CADM2: variants seen among roughly 807,000 people sequenced by gnomAD.
CADM2 encodes cell adhesion molecule 2, also known as immunoglobulin superfamily member 4D.
In CADM2, 12 loss-of-function variants were observed where a neutral mutation model predicts 49.8. The ratio of observed to expected loss-of-function variants is 0.24; its 90% CI spans 0.15 to 0.39. The LOEUF is 0.39. Ranked by LOEUF, CADM2 falls within the 10% of genes least tolerant of loss-of-function variation. The pLI, the probability that CADM2 is intolerant of heterozygous loss-of-function variation, is 1.00. For synonymous variants in CADM2, 214 were observed against 175.4 expected, an observed-to-expected ratio of 1.22 and a Z score of -1.74; for missense variants, 378 against 492.3, an observed-to-expected ratio of 0.77 and a Z score of 2.20.
intron 8 of CADM2, chr3:86,013,989 A>G (rs1731876045): frequency 6.8e-7 from 1 of 1,461,130 alleles, no homozygotes; most frequent in African/African-American, 1.4e-5. Flanking sequence ...ATTAGGAACA[A>G]TTGAAGAAGT....
chr3:85,440,764 C>CT (rs1228805473), intron 1 of CADM2, among the ~76,000 whole-genome samples: 4 of 152,052 alleles, frequency 2.6e-5, no homozygotes, highest in African/African-American at 9.7e-5. Context: ...AGGCGGATCA[C>CT]TTGAGGTCAG....
intron 8 of CADM2, among the ~76,000 whole-genome samples, chr3:86,005,736 G>A (rs1730708520): frequency 6.6e-6 from 1 of 152,108 alleles, no homozygotes; most frequent in South Asian, 2.1e-4. Context: ...AAACTGTACA[G>A]TTACTATTGA....
intron 1 of CADM2, among the ~76,000 whole-genome samples, chr3:85,437,828 C>A (rs1035910323): frequency 6.6e-6 from 1 of 151,906 alleles, no homozygotes; most frequent in African/African-American, 2.4e-5. Context: ...TCATAGAAAT[C>A]TTTCCTTCTT....
At chr3:85,103,939 G>A (rs535002397) in intron 1 of CADM2, among the ~76,000 whole-genome samples, 19 of 152,182 alleles carry the variant, frequency 1.2e-4, no homozygotes, top group Middle Eastern at 3.4e-3. Context: ...TTGAGCAGGA[G>A]GTAATTGTTT....
chr3:86,061,051 T>G (rs551071765), intron 8 of CADM2, among the ~76,000 whole-genome samples: 1 of 151,086 alleles, frequency 6.6e-6, no homozygotes, highest in Admixed American at 6.6e-5. Context: ...TTAAACATTT[T>G]CAATGATTAA....
At chr3:85,001,181 C>G (rs1576007068) in intron 1 of CADM2, among the ~76,000 whole-genome samples, 1 of 151,938 alleles carries the variant, frequency 6.6e-6, no homozygotes. Context: ...TTGACATCCT[C>G]TCTGTCCCTT....
intron 3 of CADM2, among the ~76,000 whole-genome samples, chr3:85,846,432 A>C (rs1227184732): frequency 6.6e-6 from 1 of 152,166 alleles, no homozygotes; most frequent in African/African-American, 2.4e-5. Flanking sequence ...TTATATGCCA[A>C]TTCCTAACTC....
chr3:86,003,288 A>G (rs928680517), intron 8 of CADM2, among the ~76,000 whole-genome samples: 5 of 152,154 alleles, frequency 3.3e-5, no homozygotes, highest in Non-Finnish European at 7.4e-5. Context: ...CATTTTCCCC[A>G]TGGGACTTGG....
intron 5 of CADM2, among the ~76,000 whole-genome samples, chr3:85,888,035 C>T (rs1271695862): frequency 6.6e-6 from 1 of 152,214 alleles, no homozygotes; most frequent in Non-Finnish European, 1.5e-5. Flanking sequence ...CTAAAATGCA[C>T]TTCTTAGATA....
chr3:85,355,489 A>AT (rs1189936748), intron 1 of CADM2, among the ~76,000 whole-genome samples: 1 of 152,020 alleles, frequency 6.6e-6, no homozygotes, highest in Non-Finnish European at 1.5e-5. Flanking sequence ...TGGACTAGAT[A>AT]TTTTTTAATA....
rs1272498509 is a variant in CADM2, at chr3:86,073,604, TTGTC to T, written c.*6824_*6827del. Reference sequence around the variant, plus strand: ...TCAGTAAAGTCTTGTCAGAAAAAAATTGTCTGATAAATATGGAAAAATAAAATTT... The same window carrying T: ...TCAGTAAAGTCTTGTCAGAAAAAAATTGATAAATATGGAAAAATAAAATTT... On this transcript the variant is annotated 3_prime_UTR_variant, in exon 10 of 10. Transcript: ENST00000383699. 2.6e-5 allele frequency: 4 copies of T among 152,002 alleles called. No homozygotes were observed. Among genetic ancestry groups the T allele is most frequent in the Non-Finnish European group, 4.4e-5 (3 of 67,898 alleles). 9.4% of individuals were successfully genotyped at this position (152,002 alleles called of 1,614,324 possible).
intron 1 of CADM2, among the ~76,000 whole-genome samples, chr3:85,701,538 C>A (rs2066753993): frequency 6.6e-6 from 1 of 152,006 alleles, no homozygotes; most frequent in Non-Finnish European, 1.5e-5. Context: ...GTCTAGTCCA[C>A]AATGGAAGGC....
intron 1 of CADM2, among the ~76,000 whole-genome samples, chr3:85,052,294 G>A (rs1489758351): frequency 6.6e-6 from 1 of 152,028 alleles, no homozygotes; most frequent in Admixed American, 6.6e-5. Context: ...CATGGATTAG[G>A]CTACAGCAAC....
chr3:85,960,277 A>G (rs1036380101), intron 7 of CADM2, among the ~76,000 whole-genome samples: 1 of 151,986 alleles, frequency 6.6e-6, no homozygotes, highest in Non-Finnish European at 1.5e-5. Flanking sequence ...TGCCATACCC[A>G]TAGACATCAC....
chr3:85,256,966 T>G (rs535153375), intron 1 of CADM2, among the ~76,000 whole-genome samples: 3 of 152,232 alleles, frequency 2.0e-5, no homozygotes, highest in African/African-American at 7.2e-5. Flanking sequence ...TTTATAGAGG[T>G]TTCATCATAT....
chr3:85,233,815 AT>A (rs2042353650), intron 1 of CADM2, among the ~76,000 whole-genome samples: 1 of 152,132 alleles, frequency 6.6e-6, no homozygotes, highest in African/African-American at 2.4e-5. Flanking sequence ...TGTTAGCCAA[AT>A]TAGAGTATAT....
At chr3:85,679,122 T>G (rs915882891) in intron 1 of CADM2, among the ~76,000 whole-genome samples, 4 of 151,928 alleles carry the variant, frequency 2.6e-5, no homozygotes, top group African/African-American at 9.7e-5. Context: ...ATATATAGTA[T>G]TAAATATGAT....
intron 1 of CADM2, among the ~76,000 whole-genome samples, chr3:85,139,600 A>T (rs2039516337): frequency 6.6e-6 from 1 of 152,028 alleles, no homozygotes. Context: ...TACTTATTCT[A>T]TGTAGATTTT....
chr3:86,001,691 A>G (rs1730212934), intron 8 of CADM2, among the ~76,000 whole-genome samples: 1 of 152,156 alleles, frequency 6.6e-6, no homozygotes, highest in East Asian at 1.9e-4. Flanking sequence ...ATAAAGGAAT[A>G]CTAGAATTAA....
Sources: gnomAD v4.1 joint callset for allele counts (sites outside exome capture counted in the v4.1 genomes callset) on GRCh38, gnomAD v4.1.1 for gene constraint, MANE v1.5 for transcripts, NCBI Gene and HGNC (gene_info 2026-07-23, HGNC 2026-07-21) for gene names.